The following DUSP10 variants were observed in gnomAD, a reference collection of about 807,000 sequenced individuals.
DUSP10 encodes dual specificity phosphatase 10.
Under a neutral mutation model 30.8 loss-of-function variants are expected in DUSP10, and 14 were observed. The observed-to-expected ratio is 0.46, with a 90% CI of 0.30 to 0.71. The LOEUF (loss-of-function observed/expected upper bound fraction) is 0.71, where lower values mean the gene tolerates loss of function less well. Ranked by LOEUF, DUSP10 falls within the 30% of genes least tolerant of loss-of-function variation. The pLI, the probability that DUSP10 is intolerant of heterozygous loss-of-function variation, is 0.08. For synonymous variants in DUSP10, 254 were observed against 250.4 expected, an observed-to-expected ratio of 1.01 and a Z score of -0.14; for missense variants, 550 against 619.4, an observed-to-expected ratio of 0.89 and a Z score of 1.19.
rs184566322 is a variant in DUSP10, at chr1:221,707,613, C to T, written c.812-1147G>A. 1.2e-3 allele frequency among the ~76,000 whole-genome samples: 190 copies of T among 152,156 alleles called. 1 individual carries two copies. The highest frequency in any genetic ancestry group is 4.3e-3 in the African/African-American group (177 of 41,492). On this transcript the variant is annotated intron_variant, in intron 2 of 3. Coordinates refer to ENST00000366899, the MANE Select transcript of DUSP10 (RefSeq NM_007207.6). ...AATGGATCTTAGGGAAATCATCTAACCAAAGATAGTTAGCTAGATATATGG... is the reference window on the plus strand; with the variant it reads ...AATGGATCTTAGGGAAATCATCTAATCAAAGATAGTTAGCTAGATATATGG...
chr1:221,713,702 G>C (rs1248032971), intron 2 of DUSP10, among the ~76,000 whole-genome samples: 1 of 152,096 alleles, frequency 6.6e-6, no homozygotes, highest in Non-Finnish European at 1.5e-5. Context: ...TCCTTTCTGT[G>C]TATATCCAGA....
intron 2 of DUSP10, among the ~76,000 whole-genome samples, chr1:221,724,802 C>T (rs915398959): frequency 2.6e-5 from 4 of 152,242 alleles, no homozygotes; most frequent in East Asian, 1.9e-4. Context: ...GGAAGTCATT[C>T]GGCTCCCATG....
At chr1:221,716,622 T>C (rs1661114438) in intron 2 of DUSP10, among the ~76,000 whole-genome samples, 1 of 152,200 alleles carries the variant, frequency 6.6e-6, no homozygotes, top group Admixed American at 6.5e-5. Context: ...ATTTTTGCTT[T>C]CCAAGAAAGG....
intron 2 of DUSP10, among the ~76,000 whole-genome samples, chr1:221,722,734 T>C (rs1471496832): frequency 6.6e-6 from 1 of 152,072 alleles, no homozygotes; most frequent in African/African-American, 2.4e-5. Flanking sequence ...GCTGGTGACC[T>C]AAGAGGGCCT....
intron 2 of DUSP10, among the ~76,000 whole-genome samples, chr1:221,719,384 C>G (rs764065347): frequency 6.6e-6 from 1 of 152,088 alleles, no homozygotes; most frequent in African/African-American, 2.4e-5. Flanking sequence ...ATGATCACAC[C>G]GTACCATGAG....
At chr1:221,708,479 T>A (rs1660832762) in intron 2 of DUSP10, among the ~76,000 whole-genome samples, 1 of 152,252 alleles carries the variant, frequency 6.6e-6, no homozygotes, top group Non-Finnish European at 1.5e-5. Flanking sequence ...CAATATTATG[T>A]TCACTTTACT....
At chr1:221,713,533 T>C (rs1256057333) in intron 2 of DUSP10, among the ~76,000 whole-genome samples, 1 of 152,212 alleles carries the variant, frequency 6.6e-6, no homozygotes, top group African/African-American at 2.4e-5. Context: ...ACACACAACT[T>C]TTTCATACCT....
rs1270534853 is a variant in DUSP10 at position 221,703,242 on chromosome 1, C to T, written c.1184-565G>A. 2.6e-5 allele frequency among the ~76,000 whole-genome samples: 4 copies of T among 151,718 alleles called. No homozygotes were observed. The East Asian group carries it at 7.7e-4, about 29-fold the overall frequency. On this transcript the variant is annotated intron_variant, in intron 3 of 3. Coordinates refer to ENST00000366899, the MANE Select transcript of DUSP10 (RefSeq NM_007207.6). ...GTGTATATATATATATATGCAGTTCCTCTTTGGATTAAGGATGTTAATTCC... is the reference window on the plus strand; with the variant it reads ...GTGTATATATATATATATGCAGTTCTTCTTTGGATTAAGGATGTTAATTCC...
intron 2 of DUSP10, among the ~76,000 whole-genome samples, chr1:221,724,056 C>T (rs964486123): frequency 6.6e-6 from 1 of 152,182 alleles, no homozygotes; most frequent in South Asian, 2.1e-4. Flanking sequence ...AAAGACACTC[C>T]TAACACTCGG....
Position 221,702,635 on chromosome 1 carries a change from T to A in DUSP10, c.1226A>T (p.Gln409Leu). ...QCGKGLLIHC[Q>L]AGVSRSATIV... Reference sequence around the variant, plus strand: ...GGTGGCGGAGCGGGACACCCCAGCCTGGCAGTGGATGAGAAGCCCCTTCCC... The same window carrying A: ...GGTGGCGGAGCGGGACACCCCAGCCAGGCAGTGGATGAGAAGCCCCTTCCC... The change falls in exon 4 of 4, where the codon CAG becomes CTG. Residue 409 changes from glutamine to leucine, a missense_variant. Gln to Leu is a moderately radical substitution (Grantham distance 113). Transcript: ENST00000366899. This position sits in a 1 kb window ranked among gnomAD's most constrained non-coding sequence, Gnocchi z 4.5. 3 of 1,614,124 alleles carry A rather than the reference T, an allele frequency of 1.9e-6. No homozygotes were observed. The highest frequency in any genetic ancestry group is 1.3e-5 in the African/African-American group (1 of 75,048).
chr1:221,738,789 A>C, intron 2 of DUSP10, 145 bp downstream of exon 2: 1 of 1,108,996 alleles, frequency 9.0e-7, no homozygotes, highest in Non-Finnish European at 1.3e-6. Context: ...AACCAAAACA[A>C]TAAAGAGCAT....
chr1:221,716,137 C>A (rs1488994742), intron 2 of DUSP10, among the ~76,000 whole-genome samples: 2 of 152,140 alleles, frequency 1.3e-5, no homozygotes, highest in Non-Finnish European at 2.9e-5. Context: ...AGAGAGACTT[C>A]TACCTGGAAT....
chr1:221,723,400 G>A (rs1661334327), intron 2 of DUSP10, among the ~76,000 whole-genome samples: 2 of 152,190 alleles, frequency 1.3e-5, no homozygotes, highest in South Asian at 4.1e-4. Flanking sequence ...CAAATAAAAG[G>A]CAGTCTATTC....
intron 2 of DUSP10, among the ~76,000 whole-genome samples, chr1:221,708,394 C>T (rs1238875374): frequency 6.6e-6 from 1 of 152,118 alleles, no homozygotes; most frequent in Non-Finnish European, 1.5e-5. Context: ...CCAATGGACC[C>T]GGAGCTGGCT....
intron 2 of DUSP10, chr1:221,736,745 A>G: frequency 1.1e-6 from 1 of 914,328 alleles, no homozygotes; most frequent in Non-Finnish European, 1.3e-6. Flanking sequence ...TGATAATTAT[A>G]AAGTAGAATA....
At position 221,706,754 on chromosome 1, in the gene DUSP10, G is replaced by A. The variant is rs770393960; in HGVS notation, c.812-288C>T. Among the ~76,000 whole-genome samples, 37 of 152,094 alleles carry A rather than the reference G, an allele frequency of 2.4e-4. No homozygotes were observed. The highest frequency in any genetic ancestry group is 4.8e-4 in the African/African-American group (20 of 41,400). On this transcript the variant is annotated intron_variant, in intron 2 of 3. Coordinates refer to ENST00000366899, the MANE Select transcript of DUSP10 (RefSeq NM_007207.6). This position sits in a 1 kb window ranked among gnomAD's most constrained non-coding sequence, Gnocchi z 4.6. ...CATGTTCCCCTAGCAAGAGTTCCACGCGGCATCAGGCAATCTTCCTCAGCT... is the reference window on the plus strand; with the variant it reads ...CATGTTCCCCTAGCAAGAGTTCCACACGGCATCAGGCAATCTTCCTCAGCT...
rs1399006411 is a variant in DUSP10 at position 221,739,581 on chromosome 1, G to A, written c.164C>T (p.Ala55Val). The change falls in exon 2 of 4, where the codon GCT (alanine) becomes GTT (valine). Residue 55 changes from alanine (A) to valine (V), a missense_variant. Physicochemically the swap from Ala to Val is moderately conservative, Grantham distance 64. Transcript: ENST00000366899. ...VIATTVVSLK[A>V]ANLTYMPSSS... Reference sequence around the variant, plus strand: ...TGAGGGCATATACGTCAGATTCGCAGCCTTGAGGGACACAACGGTGGTGGC... The same window carrying A: ...TGAGGGCATATACGTCAGATTCGCAACCTTGAGGGACACAACGGTGGTGGC... The A allele has an allele frequency of 1.1e-5, 17 of 1,614,198 alleles. No individual in the cohort carries two copies. The highest frequency in any genetic ancestry group is 1.4e-5 in the Non-Finnish European group (16 of 1,180,028).
Position 221,739,804 on chromosome 1 carries a change from G to A in DUSP10, c.-43-17C>T, listed in dbSNP as rs954564673. 2 of 1,507,794 alleles carry A rather than the reference G, an allele frequency of 1.3e-6. No homozygotes were observed. The highest frequency in any genetic ancestry group is 2.8e-5 in the African/African-American group (2 of 71,762). The allele number at this position is 1,507,794 out of a possible 1,614,324, so 93.4% of individuals were successfully genotyped here. ...CAAGACAGTCTGTAAAGAAGGGGAAGGGGGAAAGAAAGAATAAAGTCACGT... is the reference window on the plus strand; with the variant it reads ...CAAGACAGTCTGTAAAGAAGGGGAAAGGGGAAAGAAAGAATAAAGTCACGT... On this transcript the variant is annotated splice_polypyrimidine_tract_variant and intron_variant, in intron 1 of 3. Transcript: ENST00000366899.
At chr1:221,704,176 CTG>C (rs1425265442) in intron 3 of DUSP10, among the ~76,000 whole-genome samples, 2 of 152,170 alleles carry the variant, frequency 1.3e-5, no homozygotes, top group East Asian at 1.9e-4. Flanking sequence ...ATAAAACCTG[CTG>C]TGTTTTTACT....
Sources: allele counts gnomAD v4.1 joint callset (sites outside exome capture counted in the v4.1 genomes callset), GRCh38; gene constraint gnomAD v4.1.1; non-coding constraint Gnocchi (gnomAD v3.1); transcripts MANE v1.5; gene names NCBI Gene and HGNC (gene_info 2026-07-23, HGNC 2026-07-21).